RYR3: variants seen among roughly 807,000 people sequenced by gnomAD.
The protein encoded by RYR3 is brain ryanodine receptor-calcium release channel.
A neutral mutation model predicts 584.3 loss-of-function variants in RYR3; 207 were observed. That is an observed-to-expected ratio of 0.35 (90% CI 0.32 to 0.40). The LOEUF is 0.40. Among genes scored for constraint, RYR3 ranks in the 10% least tolerant of loss-of-function variants. The pLI is 1.00. For synonymous variants in RYR3, 2,416 were observed against 2,248.5 expected (o/e 1.07, Z -2.11); for missense variants, 5,616 against 6,089.2 (o/e 0.92, Z 2.59).
chr15:33,537,104 AG>A (rs1159013642), intron 5 of RYR3, among the ~76,000 whole-genome samples: 2 of 152,212 alleles, frequency 1.3e-5, no homozygotes, highest in African/African-American at 4.8e-5. Flanking sequence ...TATTCTGACC[AG>A]GTAATTTATT....
chr15:33,656,948 G>A (rs2062852534), intron 32 of RYR3, among the ~76,000 whole-genome samples: 1 of 152,148 alleles, frequency 6.6e-6, no homozygotes, highest in Non-Finnish European at 1.5e-5. Context: ...CAAATGGTTA[G>A]TACAATTGCA....
chr15:33,629,495 C>A (rs974161639), intron 21 of RYR3, among the ~76,000 whole-genome samples: 5 of 152,146 alleles, frequency 3.3e-5, no homozygotes, highest in African/African-American at 1.2e-4. Context: ...TTTTGATTTT[C>A]TAATGTGGCT....
Position 33,821,610 on chromosome 15 carries a change from G to T in RYR3, c.10995+8G>T. On this transcript the variant is annotated splice_region_variant and intron_variant, in intron 80 of 103. Transcript: ENST00000634891. ...AATGCTGGTGTGCAACAGGTAACGGGAACTTGCAGCGGCTGGGCAGGCTCC... is the reference window on the plus strand; with the variant it reads ...AATGCTGGTGTGCAACAGGTAACGGTAACTTGCAGCGGCTGGGCAGGCTCC... 1.2e-6 allele frequency: 2 copies of T among 1,613,652 alleles called. No individual in the cohort carries two copies. Among genetic ancestry groups the T allele is most frequent in the South Asian group, 1.1e-5 (1 of 91,052 alleles).
At chr15:33,370,418 A>G (rs2040246451) in intron 1 of RYR3, among the ~76,000 whole-genome samples, 1 of 152,180 alleles carries the variant, frequency 6.6e-6, no homozygotes, top group African/African-American at 2.4e-5. Context: ...ACAGAACACT[A>G]AAGTTCAGAG....
At chr15:33,847,681 A>C (rs372724404) in intron 93 of RYR3, 2 of 152,402 alleles carry the variant, frequency 1.3e-5, no homozygotes, top group South Asian at 4.1e-4. Flanking sequence ...AGTTCCAATT[A>C]TAAAAGAATA....
intron 38 of RYR3, among the ~76,000 whole-genome samples, chr15:33,680,032 A>C (rs1166956340): frequency 6.6e-6 from 1 of 152,228 alleles, no homozygotes; most frequent in Non-Finnish European, 1.5e-5. Context: ...CATGGGTTTG[A>C]ATCCAAACTC....
At chr15:33,375,661 T>A (rs1415183401) in intron 1 of RYR3, among the ~76,000 whole-genome samples, 2 of 152,218 alleles carry the variant, frequency 1.3e-5, no homozygotes. Flanking sequence ...AAACATTATT[T>A]CTTATTGAAG....
At chr15:33,360,266 G>A (rs1241678023) in intron 1 of RYR3, among the ~76,000 whole-genome samples, 2 of 150,014 alleles carry the variant, frequency 1.3e-5, no homozygotes, top group African/African-American at 4.9e-5. Context: ...TCCACAGTCA[G>A]TCCCTGCCCA....
At chr15:33,791,573 A>T (rs2075160198) in intron 67 of RYR3, among the ~76,000 whole-genome samples, 1 of 152,132 alleles carries the variant, frequency 6.6e-6, no homozygotes, top group Non-Finnish European at 1.5e-5. Context: ...GAATAGATGC[A>T]CCAGGGAGAT....
chr15:33,387,400 A>G (rs1177100401), intron 1 of RYR3, among the ~76,000 whole-genome samples: 1 of 152,066 alleles, frequency 6.6e-6, no homozygotes, highest in Non-Finnish European at 1.5e-5. Context: ...TTTTTTGGGA[A>G]AATGCCACAC....
At chr15:33,629,412 A>G (rs750183206) in intron 21 of RYR3, among the ~76,000 whole-genome samples, 42 of 152,348 alleles carry the variant, frequency 2.8e-4, no homozygotes, top group Non-Finnish European at 4.6e-4. Flanking sequence ...ATAATTTCTT[A>G]TATTGATTAC....
At chr15:33,323,704 T>C (rs1969314998) in intron 1 of RYR3, among the ~76,000 whole-genome samples, 1 of 152,190 alleles carries the variant, frequency 6.6e-6, no homozygotes, top group East Asian at 1.9e-4. Context: ...TTTCTAAATA[T>C]GTGAAGGTTG....
intron 2 of RYR3, among the ~76,000 whole-genome samples, chr15:33,483,734 T>A (rs2050172740): frequency 6.6e-6 from 1 of 152,192 alleles, no homozygotes; most frequent in African/African-American, 2.4e-5. Flanking sequence ...AGCTTATGAG[T>A]TGGCAAACAA....
intron 1 of RYR3, among the ~76,000 whole-genome samples, chr15:33,371,426 C>T (rs2040323019): frequency 6.6e-6 from 1 of 152,166 alleles, no homozygotes; most frequent in Non-Finnish European, 1.5e-5. Context: ...AAACAAGTGA[C>T]AATGTGATGG....
intron 48 of RYR3, among the ~76,000 whole-genome samples, chr15:33,732,287 C>T (rs1385640754): frequency 6.6e-6 from 1 of 150,772 alleles, no homozygotes; most frequent in Non-Finnish European, 1.5e-5. Context: ...ACTCGGGAGG[C>T]TGAGGCAGGA....
intron 91 of RYR3, among the ~76,000 whole-genome samples, chr15:33,842,783 G>A (rs539162209): frequency 1.3e-5 from 2 of 152,206 alleles, no homozygotes; most frequent in African/African-American, 2.4e-5. Context: ...TCTTCTGCGA[G>A]CCTAGACCAC....
chr15:33,663,790 T>A, intron 36 of RYR3, 53 bp downstream of exon 36: 1 of 1,478,168 alleles, frequency 6.8e-7, no homozygotes, highest in Non-Finnish European at 9.2e-7. Flanking sequence ...ACTTGAGACC[T>A]ATGGAACAGG....
chr15:33,860,916 A>C (rs1190330602), intron 101 of RYR3, among the ~76,000 whole-genome samples, 162 bp from the exon 102 acceptor site: 1 of 120,790 alleles, frequency 8.3e-6, no homozygotes, highest in Admixed American at 7.8e-5. Context: ...TACTGAGTGA[A>C]TGACTAATAG....
In RYR3 at chr15:33,772,150, A is replaced by T; in HGVS notation, c.9047A>T (p.Asp3016Val). 6.2e-7 allele frequency: 1 copy of T among 1,606,786 alleles called. No individual in the cohort carries two copies. The highest frequency in any genetic ancestry group is 1.1e-5 in the South Asian group (1 of 90,524). Residue 3016 changes from aspartate to valine, a missense_variant, in exon 63 of 104, where the codon GAT becomes GTT. Asp to Val is a radical substitution (Grantham distance 152). This residue lies in a region of RYR3 where 954 missense variants were observed against 1,132.2 expected (regional missense o/e 0.84). Coordinates refer to ENST00000634891, the MANE Select transcript of RYR3 (RefSeq NM_001036.6). ...EHVTQHQFGMDLLLGDVQISC... is the reference protein window; with the variant it reads ...EHVTQHQFGMVLLLGDVQISC... ...GTCACTCAGCATCAGTTTGGAATGG[A>T]TCTACTCTGTGAGTTCTACTGGTAT...
Sources: allele counts gnomAD v4.1 joint callset (sites outside exome capture counted in the v4.1 genomes callset), GRCh38; gene constraint gnomAD v4.1.1; regional missense constraint gnomAD v4.1.1; transcripts MANE v1.5; gene names NCBI Gene and HGNC (gene_info 2026-07-23, HGNC 2026-07-21).